Variants in FAM184B observed in about 807,000 individuals in gnomAD.
FAM184B encodes family with sequence similarity 184 member B.
In FAM184B, 111 loss-of-function variants were observed where a neutral mutation model predicts 135.9. That is an observed-to-expected ratio of 0.82 (90% CI 0.70 to 0.96). The LOEUF is 0.96. Ranked by LOEUF, FAM184B falls within the 40% of genes least tolerant of loss-of-function variation. The probability of loss-of-function intolerance (pLI) is 0.00; values close to 1 mark genes in which losing one functional copy is unlikely to be tolerated. For missense variants in FAM184B, 1,375 were observed against 1,323.9 expected (o/e 1.04, Z -0.60); for synonymous variants, 552 against 524.8 (o/e 1.05, Z -0.71).
chr4:17,761,444 T>C (rs1448899967), intron 1 of FAM184B, among the ~76,000 whole-genome samples: 1 of 152,190 alleles, frequency 6.6e-6, no homozygotes, highest in Non-Finnish European at 1.5e-5. Context: ...CATTCTGTTA[T>C]CATAGCCCAA....
chr4:17,643,277 T>C (rs75421440), intron 12 of FAM184B, among the ~76,000 whole-genome samples: 3,674 of 152,270 alleles, frequency 0.024, 142 homozygotes, highest in African/African-American at 0.084. Context: ...CAGCCTGGCA[T>C]TGTGTCCCCT....
chr4:17,767,545 G>A (rs1158602765), intron 1 of FAM184B, among the ~76,000 whole-genome samples: 1 of 152,228 alleles, frequency 6.6e-6, no homozygotes, highest in African/African-American at 2.4e-5. Context: ...GAACTAAATT[G>A]TTTTACGTGT....
chr4:17,658,926 A>G (rs902559660), intron 9 of FAM184B, among the ~76,000 whole-genome samples: 15 of 151,392 alleles, frequency 9.9e-5, no homozygotes, highest in Admixed American at 3.9e-4. Context: ...TACCTCCCCC[A>G]ACTCCACATC....
chr4:17,719,653 C>T (rs1717473988), intron 1 of FAM184B, among the ~76,000 whole-genome samples: 1 of 152,188 alleles, frequency 6.6e-6, no homozygotes, highest in African/African-American at 2.4e-5. Flanking sequence ...CATAACTGTG[C>T]TGTAATTTTT....
rs986852222 is a variant in FAM184B at position 17,635,029 on chromosome 4, A to G, written c.2869T>C (p.Tyr957His). The G allele has an allele frequency of 6.4e-7, 1 of 1,551,834 alleles. No individual in the cohort carries two copies. Among genetic ancestry groups the G allele is most frequent in the Non-Finnish European group, 8.7e-7 (1 of 1,146,908 alleles). Residue 957 changes from tyrosine to histidine, a missense_variant, in exon 16 of 18, where the codon TAT (tyrosine) becomes CAT (histidine). By Grantham distance (83) the Tyr-to-His change is moderately conservative (BLOSUM62 2). Coordinates refer to ENST00000265018, the MANE Select transcript of FAM184B (RefSeq NM_015688.2). ...TTTACCTTCATGGAAGGGGTCAAAT[A>G]TCCCGGGTGAGGATTGAAAGAGAAA... ...RSFSFNPHPG[Y>H]LTPSMKKKKV...
At chr4:17,648,377 C>G (rs1489685420) in intron 11 of FAM184B, among the ~76,000 whole-genome samples, 1 of 151,732 alleles carries the variant, frequency 6.6e-6, no homozygotes, top group Non-Finnish European at 1.5e-5. Context: ...GATGGAGTCT[C>G]GGTTTGTTTC....
At chr4:17,724,061 C>G (rs1182882454) in intron 1 of FAM184B, among the ~76,000 whole-genome samples, 1 of 151,936 alleles carries the variant, frequency 6.6e-6, no homozygotes, top group Non-Finnish European at 1.5e-5. Flanking sequence ...CACTTGTACC[C>G]CTGAAGCTAA....
At chr4:17,658,289 C>T in intron 10 of FAM184B, 61 bp downstream of exon 10, 1 of 1,435,666 alleles carries the variant, frequency 7.0e-7, no homozygotes, top group Non-Finnish European at 9.6e-7. Flanking sequence ...CGGCTTTGTG[C>T]ATGGCAGTTC....
intron 15 of FAM184B, among the ~76,000 whole-genome samples, chr4:17,635,698 C>T (rs1344201899): frequency 6.7e-6 from 1 of 149,194 alleles, no homozygotes; most frequent in Non-Finnish European, 1.5e-5. Flanking sequence ...ACCCATGATA[C>T]CTTTGTTCAC....
At position 17,749,205 on chromosome 4, in the gene FAM184B, C is replaced by T. The variant is rs117041380; in HGVS notation, c.141+31954G>A. ...TTAAGGCATTAAAGATCCTCTGAAG[C>T]GCATCTATAAGCCTCTTAATGTCTA... On this transcript the variant is annotated intron_variant, in intron 1 of 17. Transcript: ENST00000265018. Among the ~76,000 whole-genome samples the T allele has an allele frequency of 4.5e-3, 688 of 151,998 alleles. 26 individuals are homozygous for T. In the East Asian group the frequency reaches 0.084, roughly 19 times the overall value.
intron 1 of FAM184B, among the ~76,000 whole-genome samples, chr4:17,777,767 A>G (rs992738466): frequency 2.6e-5 from 4 of 152,190 alleles, no homozygotes; most frequent in African/African-American, 9.7e-5. Context: ...AATGGAGGTA[A>G]TGGCTAGGAA....
intron 1 of FAM184B, among the ~76,000 whole-genome samples, chr4:17,722,126 A>G (rs1374078556): frequency 1.3e-5 from 2 of 152,086 alleles, no homozygotes; most frequent in African/African-American, 4.8e-5. Flanking sequence ...AGTCCAGAAG[A>G]TTCTGCAGCT....
intron 6 of FAM184B, among the ~76,000 whole-genome samples, chr4:17,690,957 G>A (rs1156812970): frequency 1.3e-5 from 2 of 152,166 alleles, no homozygotes; most frequent in Non-Finnish European, 2.9e-5. Flanking sequence ...CTTTGGTAAG[G>A]TGGGGACAGA....
chr4:17,780,968 C>G (rs776934589), intron 1 of FAM184B, among the ~76,000 whole-genome samples, 191 bp downstream of exon 1: 1 of 152,184 alleles, frequency 6.6e-6, no homozygotes, highest in Non-Finnish European at 1.5e-5. Flanking sequence ...TCCTCTTTCT[C>G]TGCTGCTTTA....
Position 17,641,920 on chromosome 4 carries a change from T to C in FAM184B, c.2519+136A>G, listed in dbSNP as rs537691828. 2.1e-5 allele frequency: 27 copies of C among 1,288,828 alleles called. No homozygotes were observed. In the African/African-American group the frequency reaches 2.7e-4, roughly 13 times the overall value. 79.8% of individuals were successfully genotyped at this position (1,288,828 alleles called of 1,614,324 possible). On this transcript the variant is annotated intron_variant, in intron 13 of 17. Coordinates refer to ENST00000265018, the MANE Select transcript of FAM184B (RefSeq NM_015688.2). ...GTGAAATGCTGGCGCATTCAGTGTCTAGTGTCTTGTGGGGCAGGATGCCGA... is the reference window on the plus strand; with the variant it reads ...GTGAAATGCTGGCGCATTCAGTGTCCAGTGTCTTGTGGGGCAGGATGCCGA...
chr4:17,640,051 C>T (rs377202071), intron 13 of FAM184B, among the ~76,000 whole-genome samples: 3 of 151,120 alleles, frequency 2.0e-5, no homozygotes, highest in Non-Finnish European at 4.4e-5. Flanking sequence ...AGGCTAGTCT[C>T]GAACTCCTGA....
chr4:17,772,223 A>C (rs960397655), intron 1 of FAM184B, among the ~76,000 whole-genome samples: 1 of 152,234 alleles, frequency 6.6e-6, no homozygotes, highest in South Asian at 2.1e-4. Context: ...AACTTTGAAT[A>C]GAAATGATAA....
intron 1 of FAM184B, among the ~76,000 whole-genome samples, chr4:17,757,701 G>T (rs940091139): frequency 6.7e-6 from 1 of 149,836 alleles, no homozygotes; most frequent in South Asian, 2.1e-4. Context: ...ACATTATACC[G>T]TATACTTTCT....
intron 5 of FAM184B, among the ~76,000 whole-genome samples, chr4:17,694,392 G>A (rs1196998055): frequency 6.6e-6 from 1 of 152,028 alleles, no homozygotes; most frequent in Non-Finnish European, 1.5e-5. Context: ...GTGTGGTGGT[G>A]GGTGCCTGTA....
Sources: gnomAD v4.1 joint callset for allele counts (sites outside exome capture counted in the v4.1 genomes callset) on GRCh38, gnomAD v4.1.1 for gene constraint, MANE v1.5 for transcripts, NCBI Gene and HGNC (gene_info 2026-07-23, HGNC 2026-07-21) for gene names.